The following TAFA2 variants were observed in gnomAD, a reference collection of about 807,000 sequenced individuals.
TAFA2 encodes the protein chemokine-like protein TAFA-2.
A neutral mutation model predicts 18.8 loss-of-function variants in TAFA2; 7 were observed. The ratio of observed to expected loss-of-function variants is 0.37; its 90% CI spans 0.21 to 0.70. TAFA2 has a LOEUF of 0.70. TAFA2 is among the 30% of genes least tolerant of loss of function. TAFA2 has a pLI of 0.53. For missense variants in TAFA2, 122 were observed against 158.1 expected (o/e 0.77, Z 1.23); for synonymous variants, 60 against 54.2 (o/e 1.11, Z -0.47).
At chr12:62,069,731 T>C (rs1229548073) in intron 1 of TAFA2, among the ~76,000 whole-genome samples, 1 of 152,184 alleles carries the variant, frequency 6.6e-6, no homozygotes, top group Non-Finnish European at 1.5e-5. Context: ...CCTTTGGTTG[T>C]TTGAATTTTA....
chr12:61,843,740 A>G (rs1181241736), intron 2 of TAFA2, among the ~76,000 whole-genome samples: 1 of 152,168 alleles, frequency 6.6e-6, no homozygotes, highest in Admixed American at 6.5e-5. Context: ...ATAAATACGT[A>G]AACAAATTTA....
chr12:61,957,486 T>C (rs1878736892), intron 1 of TAFA2, among the ~76,000 whole-genome samples: 1 of 151,952 alleles, frequency 6.6e-6, no homozygotes, highest in Non-Finnish European at 1.5e-5. Context: ...GCCAAGGACA[T>C]AAATTAAAGG....
chr12:61,980,842 T>C (rs1015935048), intron 1 of TAFA2, among the ~76,000 whole-genome samples: 1 of 152,172 alleles, frequency 6.6e-6, no homozygotes, highest in Non-Finnish European at 1.5e-5. Flanking sequence ...CCTATGCTCA[T>C]GGACAGGAAG....
chr12:61,854,482 T>A (rs2121172892), intron 2 of TAFA2, among the ~76,000 whole-genome samples: 1 of 151,968 alleles, frequency 6.6e-6, no homozygotes, highest in Admixed American at 6.6e-5. Context: ...AATTGCCAGA[T>A]AAAAGGGTCC....
At chr12:61,874,138 T>C (rs890085573) in intron 1 of TAFA2, among the ~76,000 whole-genome samples, 1 of 152,168 alleles carries the variant, frequency 6.6e-6, no homozygotes, top group Non-Finnish European at 1.5e-5. Context: ...GTCAGAACTT[T>C]CCTATTGAAG....
At chr12:62,205,955 T>C (rs2062689805) in intron 1 of TAFA2, among the ~76,000 whole-genome samples, 4 of 152,184 alleles carry the variant, frequency 2.6e-5, no homozygotes, top group Admixed American at 2.6e-4. Flanking sequence ...ACTGACTCCC[T>C]TGGTTGGGAG....
At chr12:62,153,921 A>ATTATGCTATGTTATG (rs2062348360) in intron 1 of TAFA2, among the ~76,000 whole-genome samples, 4 of 124,126 alleles carry the variant, frequency 3.2e-5, no homozygotes, top group South Asian at 3.0e-4. Flanking sequence ...ACATAACAAA[A>ATTATGCTATGTTATG]TTATGTTATG....
At chr12:62,202,821 C>CCTTTTTTTTTTTTTT (rs368047311) in intron 1 of TAFA2, among the ~76,000 whole-genome samples, 1 of 61,626 alleles carries the variant, frequency 1.6e-5, no homozygotes, top group African/African-American at 5.9e-5. Flanking sequence ...CTGTGTGGTT[C>CCTTTTTTTTTTTTTT]TTTTTTTTTT....
At chr12:62,205,151 A>G (rs951068760) in intron 1 of TAFA2, among the ~76,000 whole-genome samples, 7 of 152,144 alleles carry the variant, frequency 4.6e-5, no homozygotes, top group Non-Finnish European at 7.4e-5. Context: ...CTGCACCTGT[A>G]GGTATCACCA....
intron 1 of TAFA2, among the ~76,000 whole-genome samples, chr12:61,961,019 G>A (rs568541809): frequency 1.3e-5 from 2 of 152,066 alleles, no homozygotes; most frequent in East Asian, 3.9e-4. Context: ...ACAGGAATAT[G>A]TGCCTACTTC....
At chr12:62,029,680 A>G (rs1261904844) in intron 1 of TAFA2, among the ~76,000 whole-genome samples, 1 of 152,068 alleles carries the variant, frequency 6.6e-6, no homozygotes, top group East Asian at 1.9e-4. Context: ...CTGTACTTCT[A>G]TATCACCATC....
At chr12:61,791,223 TAA>T (rs1870964887) in intron 2 of TAFA2, among the ~76,000 whole-genome samples, 1 of 151,854 alleles carries the variant, frequency 6.6e-6, no homozygotes, top group Admixed American at 6.6e-5. Flanking sequence ...ATTAAAGACT[TAA>T]ATATGAGACC....
At chr12:62,208,989 C>T (rs2062703133) in intron 1 of TAFA2, among the ~76,000 whole-genome samples, 1 of 152,152 alleles carries the variant, frequency 6.6e-6, no homozygotes, top group South Asian at 2.1e-4. Flanking sequence ...TTTCTTTCTG[C>T]CTGGTTTACT....
At position 62,010,910 on chromosome 12, in the gene TAFA2, G is replaced by A. The variant is rs867371539; in HGVS notation, c.-1-143484C>T. Among the ~76,000 whole-genome samples, 15 of 68,612 alleles carry A rather than the reference G, an allele frequency of 2.2e-4. 1 individual carries two copies. Among genetic ancestry groups the A allele is most frequent in the African/African-American group, 1.1e-4 (2 of 17,852 alleles). The allele number at this position is 68,612 out of a possible 152,430, so 45.0% of individuals were successfully genotyped here. A position where few individuals can be genotyped will look rare whatever the true frequency, so the allele number is the denominator to read the frequency against. ...TGGGAGGTGGGGAGCGCCTCTGCCC[G>A]GCCGCCCTTCGTCTGGGAGGTGGGG... On this transcript the variant is annotated intron_variant, in intron 1 of 4. Transcript: ENST00000416284.
intron 4 of TAFA2, among the ~76,000 whole-genome samples, chr12:61,752,793 C>T (rs925676359): frequency 6.6e-6 from 1 of 151,902 alleles, no homozygotes; most frequent in Admixed American, 6.6e-5. Context: ...ATTAGCCAGT[C>T]TCTACTTTTA....
intron 1 of TAFA2, among the ~76,000 whole-genome samples, chr12:61,929,365 A>G (rs1315097944): frequency 6.6e-6 from 1 of 152,174 alleles, no homozygotes; most frequent in Admixed American, 6.5e-5. Flanking sequence ...GACACTTCTC[A>G]AAAGAAGACA....
chr12:61,779,979 C>A (rs1446464661), intron 2 of TAFA2, among the ~76,000 whole-genome samples: 1 of 151,722 alleles, frequency 6.6e-6, no homozygotes, highest in South Asian at 2.1e-4. Context: ...AACTTTCTAA[C>A]CAGAAGTGTA....
intron 1 of TAFA2, among the ~76,000 whole-genome samples, chr12:62,213,784 C>T (rs2062723171): frequency 6.6e-6 from 1 of 152,152 alleles, no homozygotes; most frequent in South Asian, 2.1e-4. Context: ...TCATTAAACT[C>T]AATTATTCTT....
intron 2 of TAFA2, among the ~76,000 whole-genome samples, chr12:61,830,664 A>T (rs1872688063): frequency 6.6e-6 from 1 of 151,992 alleles, no homozygotes; most frequent in Admixed American, 6.6e-5. Context: ...TATTCGAGTG[A>T]TGGTTGCACT....
Sources: gnomAD v4.1 joint callset for allele counts (sites outside exome capture counted in the v4.1 genomes callset) on GRCh38, gnomAD v4.1.1 for gene constraint, MANE v1.5 for transcripts, NCBI Gene and HGNC (gene_info 2026-07-23, HGNC 2026-07-21) for gene names.